ITGA8: variants seen among roughly 807,000 people sequenced by gnomAD.
The protein encoded by ITGA8 is integrin alpha-8.
ITGA8 carries 91 observed loss-of-function variants against 142.3 expected under a neutral mutation model. That is an observed-to-expected ratio of 0.64 (90% CI 0.54 to 0.76). The LOEUF (loss-of-function observed/expected upper bound fraction) is 0.76, where lower values mean the gene tolerates loss of function less well. Ranked by LOEUF, ITGA8 falls within the 30% of genes least tolerant of loss-of-function variation. The probability of loss-of-function intolerance (pLI) is 0.00; values close to 1 mark genes in which losing one functional copy is unlikely to be tolerated. For missense variants in ITGA8, 1,406 were observed against 1,327.7 expected, an observed-to-expected ratio of 1.06 and a Z score of -0.92; for synonymous variants, 505 against 485.2, an observed-to-expected ratio of 1.04 and a Z score of -0.54.
rs563752459 is a variant in ITGA8, at chr10:15,658,398, T to C, written c.948+601A>G. 4.6e-5 allele frequency among the ~76,000 whole-genome samples: 7 copies of C among 152,292 alleles called. No homozygotes were observed. In the South Asian group the frequency reaches 1.5e-3, roughly 32 times the overall value. On this transcript the variant is annotated intron_variant, in intron 10 of 29. Transcript: ENST00000378076. ...CCCATTGTTCTTAGAAAAAAATTCTTAATCCCAAACACCGCCCACCTCCCC... is the reference window on the plus strand; with the variant it reads ...CCCATTGTTCTTAGAAAAAAATTCTCAATCCCAAACACCGCCCACCTCCCC...
In ITGA8 at chr10:15,541,952, C is replaced by G. The variant is rs142822954; in HGVS notation, c.2880+6503G>C. On this transcript the variant is annotated intron_variant, in intron 27 of 29. Coordinates refer to ENST00000378076, the MANE Select transcript of ITGA8 (RefSeq NM_003638.3). ...CGGCCCCTTGGTCTACATATCACCT[C>G]GTTTTGCTGTCTTTGCTCACTAGTC... 3.8e-3 allele frequency among the ~76,000 whole-genome samples: 586 copies of G among 152,256 alleles called. 1 individual carries two copies. Among genetic ancestry groups the G allele is most frequent in the Middle Eastern group, 6.8e-3 (2 of 294 alleles).
intron 20 of ITGA8, among the ~76,000 whole-genome samples, chr10:15,602,840 G>A (rs965978881): frequency 1.3e-5 from 2 of 152,134 alleles, no homozygotes; most frequent in Non-Finnish European, 2.9e-5. Flanking sequence ...ACAGGGAAAT[G>A]AAAGCTGAGT....
intron 10 of ITGA8, among the ~76,000 whole-genome samples, chr10:15,656,010 G>T (rs1415487416): frequency 6.6e-6 from 1 of 151,918 alleles, no homozygotes; most frequent in Non-Finnish European, 1.5e-5. Context: ...CCTGAGCCTG[G>T]GGAGGTCAAG....
chr10:15,665,607 A>G (rs564922330), intron 8 of ITGA8, among the ~76,000 whole-genome samples: 1 of 152,188 alleles, frequency 6.6e-6, no homozygotes, highest in African/African-American at 2.4e-5. Context: ...TATGTCCTGG[A>G]TGGTATTGCC....
intron 13 of ITGA8, among the ~76,000 whole-genome samples, chr10:15,637,180 G>A (rs577853270): frequency 6.6e-6 from 1 of 152,174 alleles, no homozygotes; most frequent in Non-Finnish European, 1.5e-5. Context: ...TCCCTCTCCA[G>A]CATCCTAGAA....
intron 11 of ITGA8, among the ~76,000 whole-genome samples, chr10:15,651,541 T>C (rs939345351): frequency 2.6e-5 from 4 of 152,118 alleles, no homozygotes; most frequent in African/African-American, 9.7e-5. Context: ...GTTTTTTTTT[T>C]TTCGTGATGT....
chr10:15,669,510 C>A (rs778643248), intron 8 of ITGA8, among the ~76,000 whole-genome samples: 1 of 152,214 alleles, frequency 6.6e-6, no homozygotes, highest in African/African-American at 2.4e-5. Context: ...AAGCCTTCTT[C>A]TCTCAACTCA....
Position 15,623,972 on chromosome 10 carries a change from G to A in ITGA8, c.1400-7413C>T, listed in dbSNP as rs561803963. Among the ~76,000 whole-genome samples, 16 of 152,226 alleles carry A rather than the reference G, an allele frequency of 1.1e-4. No homozygotes were observed. The South Asian group carries it at 2.7e-3, about 26-fold the overall frequency. ...GGGTCTAGCTTCTTGCACTCAGCTC[G>A]GTGCATTTGAGATTCATCCACAATG... On this transcript the variant is annotated intron_variant, in intron 13 of 29. Coordinates refer to ENST00000378076, the MANE Select transcript of ITGA8 (RefSeq NM_003638.3).
chr10:15,522,712 A>T (rs2131532993), intron 28 of ITGA8, among the ~76,000 whole-genome samples: 1 of 152,320 alleles, frequency 6.6e-6, no homozygotes, highest in East Asian at 1.9e-4. Context: ...CTCCTGGTTT[A>T]CCTAATTAAT....
intron 13 of ITGA8, among the ~76,000 whole-genome samples, chr10:15,623,652 C>T (rs1055469411): frequency 1.3e-5 from 2 of 152,144 alleles, no homozygotes; most frequent in African/African-American, 4.8e-5. Flanking sequence ...CAGCACTGCA[C>T]TCCAGCCAGG....
At chr10:15,627,442 T>G (rs971137628) in intron 13 of ITGA8, among the ~76,000 whole-genome samples, 1 of 152,152 alleles carries the variant, frequency 6.6e-6, no homozygotes, top group African/African-American at 2.4e-5. Flanking sequence ...CTCGTGAACT[T>G]CTCTTAGGGT....
chr10:15,637,249 T>A (rs2131639471), intron 13 of ITGA8, among the ~76,000 whole-genome samples: 1 of 152,314 alleles, frequency 6.6e-6, no homozygotes, highest in South Asian at 2.1e-4. Flanking sequence ...TAGCTCATAT[T>A]CTGTTCATGA....
chr10:15,588,712 T>C (rs1408762095), intron 22 of ITGA8, among the ~76,000 whole-genome samples: 1 of 152,208 alleles, frequency 6.6e-6, no homozygotes, highest in Non-Finnish European at 1.5e-5. Flanking sequence ...TTCTATTGTA[T>C]TTTCTTCCCA....
intron 25 of ITGA8, among the ~76,000 whole-genome samples, chr10:15,561,224 T>TAC (rs199727363): frequency 0.039 from 4,210 of 109,236 alleles, 92 homozygotes; most frequent in African/African-American, 0.055. Flanking sequence ...TATATATATA[T>TAC]ATATATATAT....
intron 25 of ITGA8, 80 bp from the exon 26 acceptor site, chr10:15,558,282 A>T: frequency 6.5e-7 from 1 of 1,537,586 alleles, no homozygotes; most frequent in Non-Finnish European, 8.8e-7. Context: ...AACTCTAGGC[A>T]ATTTTTTTTT....
intron 22 of ITGA8, among the ~76,000 whole-genome samples, chr10:15,589,329 A>G (rs1383665853): frequency 1.3e-5 from 2 of 152,192 alleles, no homozygotes; most frequent in African/African-American, 4.8e-5. Flanking sequence ...TTACTAAGGA[A>G]GAAACTCTGA....
intron 13 of ITGA8, among the ~76,000 whole-genome samples, chr10:15,625,178 G>C (rs991062997): frequency 6.6e-6 from 1 of 152,158 alleles, no homozygotes; most frequent in Non-Finnish European, 1.5e-5. Context: ...ACATTTATGA[G>C]TTGGAACATG....
intron 25 of ITGA8, among the ~76,000 whole-genome samples, chr10:15,570,234 T>A (rs578084722): frequency 2.1e-4 from 32 of 152,208 alleles, no homozygotes; most frequent in Non-Finnish European, 4.0e-4. Flanking sequence ...ATTGAAAGTT[T>A]TAGGAAAATG....
intron 21 of ITGA8, among the ~76,000 whole-genome samples, chr10:15,596,185 A>T (rs532062735): frequency 1.3e-5 from 2 of 152,214 alleles, no homozygotes; most frequent in African/African-American, 4.8e-5. Context: ...CTCTCTTTCA[A>T]TGCTTCATTT....
Sources: gnomAD v4.1 joint callset for allele counts (sites outside exome capture counted in the v4.1 genomes callset) on GRCh38, gnomAD v4.1.1 for gene constraint, MANE v1.5 for transcripts, NCBI Gene and HGNC (gene_info 2026-07-23, HGNC 2026-07-21) for gene names.